Variants in SAXO1 observed in about 807,000 individuals in gnomAD.
SAXO1 encodes the protein stabilizer of axonemal microtubules 1.
SAXO1 carries 21 observed loss-of-function variants against 17.5 expected under a neutral mutation model. The ratio of observed to expected loss-of-function variants is 1.20; its 90% confidence interval spans 0.85 to 1.72. SAXO1 has a LOEUF of 1.72. Among genes scored for constraint, SAXO1 ranks in the 40% most tolerant of loss-of-function variants. The pLI is 0.00. For synonymous variants in SAXO1, 274 were observed against 216.5 expected (o/e 1.27, Z -2.33); for missense variants, 843 against 596.0 (o/e 1.41, Z -4.32).
chr9:18,940,100 TC>T (rs1037517283), intron 3 of SAXO1, among the ~76,000 whole-genome samples: 1 of 151,972 alleles, frequency 6.6e-6, no homozygotes, highest in Non-Finnish European at 1.5e-5. Context: ...AAGTAGAGAC[TC>T]CATGGGGAGG....
At chr9:18,999,172 A>G (rs956292715) in intron 1 of SAXO1, among the ~76,000 whole-genome samples, 1 of 150,610 alleles carries the variant, frequency 6.6e-6, no homozygotes, top group Non-Finnish European at 1.5e-5. Context: ...AATTGGATAA[A>G]GAGTCAAGAC....
chr9:19,009,931 A>G (rs1316709992), intron 1 of SAXO1, among the ~76,000 whole-genome samples: 1 of 151,510 alleles, frequency 6.6e-6, no homozygotes, highest in Non-Finnish European at 1.5e-5. Context: ...GACTCAAGCT[A>G]TCTTTCCACC....
intron 2 of SAXO1, among the ~76,000 whole-genome samples, chr9:18,949,737 A>G (rs1831951660): frequency 6.6e-6 from 1 of 152,202 alleles, no homozygotes; most frequent in African/African-American, 2.4e-5. Context: ...ATGAATTAGA[A>G]TGGTTCTGCT....
At chr9:18,955,345 CTT>C (rs1023642292) in intron 1 of SAXO1, among the ~76,000 whole-genome samples, 5 of 152,296 alleles carry the variant, frequency 3.3e-5, no homozygotes, top group Admixed American at 1.3e-4. Context: ...CTTACTCTTT[CTT>C]ACTACACTTC....
At chr9:18,961,912 A>G (rs993835899) in intron 1 of SAXO1, among the ~76,000 whole-genome samples, 2 of 152,192 alleles carry the variant, frequency 1.3e-5, no homozygotes, top group Non-Finnish European at 2.9e-5. Flanking sequence ...AGGAATTGCC[A>G]CACTGTCTTC....
intron 1 of SAXO1, among the ~76,000 whole-genome samples, chr9:19,024,995 G>A (rs1202620890): frequency 6.6e-6 from 1 of 152,148 alleles, no homozygotes; most frequent in Non-Finnish European, 1.5e-5. Context: ...ATTGGAATAT[G>A]AAGTTGTACT....
intron 1 of SAXO1, among the ~76,000 whole-genome samples, chr9:19,019,263 T>C (rs540886159): frequency 1.4e-4 from 22 of 152,206 alleles, no homozygotes; most frequent in Non-Finnish European, 2.9e-4. Context: ...TCTTCTTTGC[T>C]GAGACATTAA....
intron 1 of SAXO1, among the ~76,000 whole-genome samples, chr9:19,017,905 C>T (rs1459910872): frequency 1.3e-5 from 2 of 152,170 alleles, no homozygotes; most frequent in African/African-American, 4.8e-5. Flanking sequence ...CAGTGGCTCA[C>T]GCTTGTAATC....
rs1835496186 is a variant in SAXO1, at chr9:19,026,884, A to G, written c.38+5987T>C. On this transcript the variant is annotated intron_variant, in intron 1 of 3. Transcript: ENST00000380534. ...TCTCTACTAAAAATTCAAAAACTAG[A>G]AAAGAAGATGGCAACCGTGTGGGAT... 4 of 711,468 alleles carry G rather than the reference A, an allele frequency of 5.6e-6. No individual in the cohort carries two copies. The Admixed American group carries it at 7.2e-5, about 13-fold the overall frequency. 44.1% of individuals were successfully genotyped at this position (711,468 alleles called of 1,614,324 possible). A position where few individuals can be genotyped will look rare whatever the true frequency, so the allele number is the denominator to read the frequency against.
At chr9:19,028,844 G>T (rs913917447) in intron 1 of SAXO1, among the ~76,000 whole-genome samples, 1 of 152,034 alleles carries the variant, frequency 6.6e-6, no homozygotes, top group African/African-American at 2.4e-5. Context: ...TTTTCACTTC[G>T]TAATCTGCCA....
At chr9:18,957,470 T>TAA (rs990712601) in intron 1 of SAXO1, among the ~76,000 whole-genome samples, 2 of 152,122 alleles carry the variant, frequency 1.3e-5, no homozygotes, top group African/African-American at 4.8e-5. Context: ...GACCTCCACT[T>TAA]ACAATCCAAT....
At chr9:18,996,416 A>T (rs1433313700) in intron 1 of SAXO1, among the ~76,000 whole-genome samples, 1 of 152,264 alleles carries the variant, frequency 6.6e-6, no homozygotes, top group Non-Finnish European at 1.5e-5. Flanking sequence ...TATATGGTAT[A>T]ACCTATTGCT....
intron 1 of SAXO1, among the ~76,000 whole-genome samples, chr9:18,994,981 T>C (rs1833946661): frequency 1.3e-5 from 2 of 152,222 alleles, no homozygotes; most frequent in South Asian, 2.1e-4. Context: ...TTATTAAATA[T>C]GTCAAGGTTG....
At chr9:19,000,574 C>A (rs560463114) in intron 1 of SAXO1, among the ~76,000 whole-genome samples, 285 of 152,126 alleles carry the variant, frequency 1.9e-3, no homozygotes, top group African/African-American at 6.5e-3. Context: ...TACGCCCCAC[C>A]ATCTGGGAAG....
chr9:18,935,590 G>A (rs757243801), intron 3 of SAXO1, among the ~76,000 whole-genome samples: 5 of 152,080 alleles, frequency 3.3e-5, no homozygotes, highest in African/African-American at 7.2e-5. Context: ...CCTTTAGTCT[G>A]CACACAGTCT....
rs753390149 is a variant in SAXO1 at position 18,937,965 on chromosome 9, A to G, written c.421+3672T>C. ...CTGGTACCCATAGGTTAATCTAACT[A>G]TAAGTGTTTCCTTTAGCTACATACT... On this transcript the variant is annotated intron_variant, in intron 3 of 3. Coordinates refer to ENST00000380534, the MANE Select transcript of SAXO1 (RefSeq NM_153707.4). 3.9e-5 allele frequency among the ~76,000 whole-genome samples: 6 copies of G among 152,268 alleles called. No homozygotes were observed. In the South Asian group the frequency reaches 6.2e-4, roughly 16 times the overall value.
chr9:18,957,332 A>G (rs1003799251), intron 1 of SAXO1, among the ~76,000 whole-genome samples: 1 of 152,224 alleles, frequency 6.6e-6, no homozygotes, highest in Non-Finnish European at 1.5e-5. Flanking sequence ...CTAGATGTAG[A>G]AGAACCCTAC....
intron 1 of SAXO1, among the ~76,000 whole-genome samples, chr9:18,977,402 T>C (rs570225638): frequency 6.6e-6 from 1 of 152,208 alleles, no homozygotes; most frequent in African/African-American, 2.4e-5. Flanking sequence ...ACTTATTTCA[T>C]CTTCATTACA....
intron 3 of SAXO1, among the ~76,000 whole-genome samples, chr9:18,940,411 G>A (rs1431499177): frequency 1.3e-5 from 2 of 152,210 alleles, no homozygotes; most frequent in African/African-American, 4.8e-5. Flanking sequence ...GGTTGCTGAA[G>A]AGGCCCACGC....
Sources: gnomAD v4.1 joint callset for allele counts (sites outside exome capture counted in the v4.1 genomes callset) on GRCh38, gnomAD v4.1.1 for gene constraint, MANE v1.5 for transcripts, NCBI Gene and HGNC (gene_info 2026-07-23, HGNC 2026-07-21) for gene names.